Variants in ITPR2 observed in about 807,000 individuals in gnomAD.
ITPR2 encodes the protein inositol 1,4,5-trisphosphate-gated calcium channel ITPR2.
ITPR2 carries 207 observed loss-of-function variants against 317.1 expected under a neutral mutation model. The observed-to-expected ratio is 0.65, with a 90% CI of 0.58 to 0.73. The LOEUF is 0.73. Ranked by LOEUF, ITPR2 falls within the 30% of genes least tolerant of loss-of-function variation. The pLI, the probability that ITPR2 is intolerant of heterozygous loss-of-function variation, is 0.00. For synonymous variants in ITPR2, 1,156 were observed against 1,149.1 expected (o/e 1.01, Z -0.12); for missense variants, 2,613 against 3,284.0 (o/e 0.80, Z 4.99).
At chr12:26,718,628 G>A (rs1218682275) in intron 5 of ITPR2, among the ~76,000 whole-genome samples, 1 of 150,430 alleles carries the variant, frequency 6.6e-6, no homozygotes, top group African/African-American at 2.4e-5. Context: ...TCTGTTTTTT[G>A]AGATGGGGTC....
chr12:26,367,337 C>T (rs549053377), intron 55 of ITPR2, among the ~76,000 whole-genome samples: 19 of 152,304 alleles, frequency 1.2e-4, no homozygotes, highest in Admixed American at 1.1e-3. Flanking sequence ...GCATTTTGCA[C>T]CTTGTCCCAT....
intron 34 of ITPR2, among the ~76,000 whole-genome samples, chr12:26,566,753 T>G (rs1269480095): frequency 6.6e-6 from 1 of 152,196 alleles, no homozygotes; most frequent in Non-Finnish European, 1.5e-5. Flanking sequence ...TTTCCTAATA[T>G]TCATGATACG....
intron 2 of ITPR2, among the ~76,000 whole-genome samples, chr12:26,789,630 C>G (rs1950310832): frequency 6.6e-6 from 1 of 152,104 alleles, no homozygotes; most frequent in Non-Finnish European, 1.5e-5. Flanking sequence ...GAGTTATAAT[C>G]AATCTCTTAC....
intron 54 of ITPR2, among the ~76,000 whole-genome samples, chr12:26,395,912 G>A (rs1939983440): frequency 6.6e-6 from 1 of 152,184 alleles, no homozygotes. Flanking sequence ...TTGTAAAGGA[G>A]TGGTAATATA....
intron 55 of ITPR2, among the ~76,000 whole-genome samples, chr12:26,366,803 C>T (rs111235057): frequency 0.012 from 1,776 of 152,228 alleles, 33 homozygotes; most frequent in African/African-American, 0.039. Flanking sequence ...CCCTTTCTGC[C>T]AATTTTGGAA....
chr12:26,380,711 G>A (rs1045727489), intron 55 of ITPR2, among the ~76,000 whole-genome samples: 1 of 152,130 alleles, frequency 6.6e-6, no homozygotes, highest in Non-Finnish European at 1.5e-5. Flanking sequence ...AATTAAGTTG[G>A]CCAGTGGTGC....
rs533440266 is a variant in ITPR2, at chr12:26,654,669, G to A, written c.2590-543C>T. Among the ~76,000 whole-genome samples, 4 of 152,134 alleles carry A rather than the reference G, an allele frequency of 2.6e-5. 1 individual carries two copies. The highest frequency in any genetic ancestry group is 9.6e-5 in the African/African-American group (4 of 41,488). Reference sequence around the variant, plus strand: ...ATGTCACTTCCAAGATTAGATTACAGAAGACTGCAACTTCCATCTTGTACT... The same window carrying A: ...ATGTCACTTCCAAGATTAGATTACAAAAGACTGCAACTTCCATCTTGTACT... On this transcript the variant is annotated intron_variant, in intron 20 of 56. Coordinates refer to ENST00000381340, the MANE Select transcript of ITPR2 (RefSeq NM_002223.4).
chr12:26,536,912 G>A (rs969836207), intron 37 of ITPR2, among the ~76,000 whole-genome samples: 1 of 152,184 alleles, frequency 6.6e-6, no homozygotes, highest in Non-Finnish European at 1.5e-5. Context: ...GAAGGCAGAG[G>A]AATCTGTCTT....
chr12:26,344,153 TCTC>T, intron 55 of ITPR2, among the ~76,000 whole-genome samples: 1 of 152,170 alleles, frequency 6.6e-6, no homozygotes, highest in East Asian at 1.9e-4. Context: ...AAAACAGACT[TCTC>T]AGCCTCCAGA....
chr12:26,492,919 G>GTA (rs150335068), intron 39 of ITPR2, among the ~76,000 whole-genome samples: 2,094 of 144,430 alleles, frequency 0.014, 39 homozygotes, highest in African/African-American at 0.045. Flanking sequence ...GTGTGTGTGT[G>GTA]TATATATATA....
At chr12:26,777,459 C>T (rs1303369316) in intron 2 of ITPR2, among the ~76,000 whole-genome samples, 2 of 152,174 alleles carry the variant, frequency 1.3e-5, no homozygotes, top group African/African-American at 2.4e-5. Context: ...ATAATTGGAT[C>T]CCAAGGTGGT....
chr12:26,763,319 T>C (rs996188458), intron 2 of ITPR2, among the ~76,000 whole-genome samples: 2 of 151,758 alleles, frequency 1.3e-5, no homozygotes, highest in Non-Finnish European at 2.9e-5. Context: ...AATAAATAAA[T>C]AAATAAATGT....
At chr12:26,342,820 GC>G (rs1288886415) in intron 55 of ITPR2, among the ~76,000 whole-genome samples, 2 of 151,964 alleles carry the variant, frequency 1.3e-5, no homozygotes, top group Non-Finnish European at 2.9e-5. Flanking sequence ...TGTTGGTCAG[GC>G]TAGTCTTGAA....
At chr12:26,610,887 C>A (rs1946248034) in intron 26 of ITPR2, among the ~76,000 whole-genome samples, 1 of 152,188 alleles carries the variant, frequency 6.6e-6, no homozygotes, top group South Asian at 2.1e-4. Context: ...AAAGGACAGG[C>A]TACAAGCCAA....
intron 55 of ITPR2, among the ~76,000 whole-genome samples, chr12:26,367,459 T>C (rs578224264): frequency 8.0e-6 from 1 of 124,850 alleles, no homozygotes; most frequent in East Asian, 2.3e-4. Context: ...TCTATCATTT[T>C]CACATCCACC....
At chr12:26,725,524 G>T in intron 3 of ITPR2, 126 bp downstream of exon 3, 2 of 647,056 alleles carry the variant, frequency 3.1e-6, no homozygotes, top group Non-Finnish European at 2.8e-6. Context: ...CTTTCAATGT[G>T]TTGCTATATG....
At chr12:26,829,954 A>G (rs962090376) in intron 1 of ITPR2, among the ~76,000 whole-genome samples, 9 of 152,202 alleles carry the variant, frequency 5.9e-5, no homozygotes, top group African/African-American at 2.2e-4. Flanking sequence ...CCCAGGCTGG[A>G]GTGCAGTGGC....
chr12:26,633,898 T>C, intron 21 of ITPR2, among the ~76,000 whole-genome samples: 1 of 152,262 alleles, frequency 6.6e-6, no homozygotes, highest in South Asian at 2.1e-4. Flanking sequence ...AGTGTCTGCA[T>C]CTTATTTAGA....
At chr12:26,370,018 C>A (rs1263175432) in intron 55 of ITPR2, among the ~76,000 whole-genome samples, 1 of 152,160 alleles carries the variant, frequency 6.6e-6, no homozygotes, top group East Asian at 1.9e-4. Context: ...GGCACAGAAG[C>A]CCTGTGTTCA....
Sources: allele counts gnomAD v4.1 joint callset (sites outside exome capture counted in the v4.1 genomes callset), GRCh38; gene constraint gnomAD v4.1.1; transcripts MANE v1.5; gene names NCBI Gene and HGNC (gene_info 2026-07-23, HGNC 2026-07-21).